The following WWC1 variants were observed in gnomAD, a reference collection of about 807,000 sequenced individuals.
WWC1 encodes the protein WW and C2 domain containing 1.
Under a neutral mutation model 138.4 loss-of-function variants are expected in WWC1, and 55 were observed. The observed-to-expected ratio is 0.40, with a 90% CI of 0.32 to 0.50. WWC1 has a LOEUF of 0.50. Among genes scored for constraint, WWC1 ranks in the 20% least tolerant of loss-of-function variants. The pLI is 0.72. For missense variants in WWC1, 1,226 were observed against 1,420.4 expected, an observed-to-expected ratio of 0.86 and a Z score of 2.20; for synonymous variants, 524 against 564.9, an observed-to-expected ratio of 0.93 and a Z score of 1.03.
At chr5:168,386,252 A>T (rs1489112031) in intron 3 of WWC1, among the ~76,000 whole-genome samples, 1 of 151,900 alleles carries the variant, frequency 6.6e-6, no homozygotes, top group Non-Finnish European at 1.5e-5. Flanking sequence ...ATCACGTATC[A>T]CAATACATCT....
At chr5:168,398,174 G>A (rs758326924) in intron 4 of WWC1, among the ~76,000 whole-genome samples, 18 of 151,990 alleles carry the variant, frequency 1.2e-4, no homozygotes, top group Non-Finnish European at 2.1e-4. Flanking sequence ...CACGATCTGC[G>A]CTCACTGCGT....
chr5:168,378,524 CACTCAGGGAAG>C (rs1279291821), intron 2 of WWC1, among the ~76,000 whole-genome samples: 1 of 152,142 alleles, frequency 6.6e-6, no homozygotes, highest in African/African-American at 2.4e-5. Context: ...TTTTAAATAG[CACTCAGGGAAG>C]ACTCTTTGTG....
intron 3 of WWC1, among the ~76,000 whole-genome samples, chr5:168,391,853 C>G (rs1778539503): frequency 6.8e-6 from 1 of 147,230 alleles, no homozygotes; most frequent in African/African-American, 2.5e-5. Flanking sequence ...GGAAAGCAGA[C>G]AGACAGGTGG....
intron 21 of WWC1, among the ~76,000 whole-genome samples, chr5:168,465,736 T>G (rs1044089877): frequency 3.3e-5 from 5 of 151,830 alleles, no homozygotes; most frequent in African/African-American, 1.2e-4. Flanking sequence ...TTTTGTATTT[T>G]TTGTAGAGAT....
chr5:168,415,849 TGTGGCATATGTG>T (rs1288536182), intron 9 of WWC1: 1 of 115,696 alleles, frequency 8.6e-6, no homozygotes, highest in East Asian at 2.7e-4. Flanking sequence ...TGTGTGTGTG[TGTGGCATATGTG>T]GTGTGTGTGT....
intron 2 of WWC1, among the ~76,000 whole-genome samples, chr5:168,372,124 C>G (rs968266995): frequency 1.3e-5 from 2 of 151,184 alleles, no homozygotes; most frequent in African/African-American, 2.4e-5. Flanking sequence ...AGCCCACCCT[C>G]ACTTCATATC....
At chr5:168,419,673 A>G (rs529518939) in intron 9 of WWC1, among the ~76,000 whole-genome samples, 1 of 152,330 alleles carries the variant, frequency 6.6e-6, no homozygotes, top group African/African-American at 2.4e-5. Flanking sequence ...GCGGAGAAAG[A>G]CTAGTCTAGT....
intron 1 of WWC1, among the ~76,000 whole-genome samples, chr5:168,345,016 G>C (rs1301746458): frequency 2.6e-5 from 4 of 152,152 alleles, no homozygotes; most frequent in African/African-American, 9.7e-5. Flanking sequence ...TTCCCACCAG[G>C]CTCATAAGGA....
intron 1 of WWC1, chr5:168,316,497 G>A (rs1361386862): frequency 6.6e-6 from 1 of 152,288 alleles, no homozygotes; most frequent in African/African-American, 2.4e-5. Context: ...GGAGAGGCCT[G>A]ACCTAGCGAG....
At chr5:168,410,120 T>C (rs965183575) in intron 8 of WWC1, 125 bp downstream of exon 8, 1 of 952,760 alleles carries the variant, frequency 1.0e-6, no homozygotes, top group Non-Finnish European at 1.6e-6. Context: ...ATTATGAAGA[T>C]AGTTATTATA....
At chr5:168,383,222 C>T (rs904482236) in intron 2 of WWC1, among the ~76,000 whole-genome samples, 1 of 151,008 alleles carries the variant, frequency 6.6e-6, no homozygotes, top group African/African-American at 2.4e-5. Flanking sequence ...AAGAAAACAA[C>T]AACAATGAAA....
At chr5:168,330,137 G>A (rs1407311417) in intron 1 of WWC1, among the ~76,000 whole-genome samples, 1 of 152,054 alleles carries the variant, frequency 6.6e-6, no homozygotes, top group African/African-American at 2.4e-5. Flanking sequence ...AAACAGCTGT[G>A]GCTTTGGTTA....
chr5:168,406,801 T>C (rs1427890046), intron 6 of WWC1, among the ~76,000 whole-genome samples: 1 of 151,726 alleles, frequency 6.6e-6, no homozygotes, highest in Non-Finnish European at 1.5e-5. Flanking sequence ...AATAAGCCAG[T>C]TGCAGTGGCG....
In WWC1 at chr5:168,399,830, C is replaced by G. The variant is rs568373911; in HGVS notation, c.590+263C>G. Among the ~76,000 whole-genome samples the G allele has an allele frequency of 2.0e-5, 3 of 152,322 alleles. No homozygotes were observed. The South Asian group carries it at 6.2e-4, about 32-fold the overall frequency. Reference sequence around the variant, plus strand: ...ACTCCTGAAGCCATTAAGATTTGTTCCACTCAGCCGAGTGTTACTATCCAG... The same window carrying G: ...ACTCCTGAAGCCATTAAGATTTGTTGCACTCAGCCGAGTGTTACTATCCAG... On this transcript the variant is annotated intron_variant, in intron 5 of 22. Transcript: ENST00000265293.
intron 1 of WWC1, among the ~76,000 whole-genome samples, chr5:168,307,585 C>CT (rs1432321000): frequency 7.7e-5 from 11 of 143,604 alleles, no homozygotes; most frequent in African/African-American, 2.6e-4. Flanking sequence ...CGATCAACAT[C>CT]TTTGATTTTA....
chr5:168,368,640 C>T (rs1162687794), intron 1 of WWC1, among the ~76,000 whole-genome samples: 3 of 152,140 alleles, frequency 2.0e-5, no homozygotes, highest in African/African-American at 7.2e-5. Context: ...GGAGTCACTC[C>T]CCATGGAAGG....
At chr5:168,388,820 AC>A (rs1778238442) in intron 3 of WWC1, among the ~76,000 whole-genome samples, 1 of 150,958 alleles carries the variant, frequency 6.6e-6, no homozygotes, top group Non-Finnish European at 1.5e-5. Context: ...ACAGAGCGAG[AC>A]TCCATCTCAA....
At chr5:168,468,756 GAGCTTAC>G (rs1429297803) in intron 22 of WWC1, among the ~76,000 whole-genome samples, 188 bp from the exon 23 acceptor site, 1 of 152,180 alleles carries the variant, frequency 6.6e-6, no homozygotes, top group Non-Finnish European at 1.5e-5. Flanking sequence ...ATTTGGCAAT[GAGCTTAC>G]GTTTTGGGTT....
rs751993520 is a variant in WWC1, at chr5:168,423,886, C to T, written c.1628C>T (p.Pro543Leu). 2.5e-6 allele frequency: 4 copies of T among 1,614,112 alleles called. No individual in the cohort carries two copies. Among genetic ancestry groups the T allele is most frequent in the Non-Finnish European group, 3.4e-6 (4 of 1,180,006 alleles). Residue 543 changes from proline to leucine, a missense_variant, in exon 11 of 23, where the codon CCC (proline) becomes CTC (leucine). Physicochemically the swap from Pro to Leu is moderately conservative, Grantham distance 98. Transcript: ENST00000265293. ...SLSPRSSLSS[P>L]SPPCSPLMAD... ...TCCCCACGTTCCTCTCTCTCCTCCCCCTCCCCACCCTGTTCCCCTCTCATG... is the reference window on the plus strand; with the variant it reads ...TCCCCACGTTCCTCTCTCTCCTCCCTCTCCCCACCCTGTTCCCCTCTCATG...
Sources: gnomAD v4.1 joint callset for allele counts (sites outside exome capture counted in the v4.1 genomes callset) on GRCh38, gnomAD v4.1.1 for gene constraint, MANE v1.5 for transcripts, NCBI Gene and HGNC (gene_info 2026-07-23, HGNC 2026-07-21) for gene names.